Variants in SHROOM4 observed in about 807,000 individuals in gnomAD.
SHROOM4 encodes the protein protein Shroom4.
A neutral mutation model predicts 80.3 loss-of-function variants in SHROOM4; 17 were observed. That is an observed-to-expected ratio of 0.21 (90% CI 0.14 to 0.32). The LOEUF is 0.32. Ranked by LOEUF, SHROOM4 falls within the 10% of genes least tolerant of loss-of-function variation. The pLI, the probability that SHROOM4 is intolerant of heterozygous loss-of-function variation, is 1.00. For synonymous variants in SHROOM4, 400 were observed against 437.5 expected (o/e 0.91, Z 1.07); for missense variants, 993 against 1,140.3 (o/e 0.87, Z 1.86).
chrX:50,651,484 C>T (rs1417368656), intron 2 of SHROOM4, among the ~76,000 whole-genome samples: 1 of 111,781 alleles, frequency 8.9e-6, no homozygotes, highest in Admixed American at 9.5e-5. Context: ...TATAGACCAG[C>T]ATCAGCATCA....
chrX:50,595,981 A>G lies in SHROOM4; in HGVS notation c.*714T>C, dbSNP rs1476080358. On this transcript the variant is annotated 3_prime_UTR_variant, in exon 9 of 9. Coordinates refer to ENST00000376020, the MANE Select transcript of SHROOM4 (RefSeq NM_020717.5). ...CGGTAACCCCCAGCAATGTAAAGGA[A>G]AGATGAAACAAGAGGTGGTAGGACC... is the stretch of plus-strand genomic sequence containing the variant. 2.1e-5 allele frequency: 7 copies of G among 327,299 alleles called. No homozygotes were observed. Among genetic ancestry groups the G allele is most frequent in the Non-Finnish European group, 4.1e-5 (7 of 169,625 alleles). The allele number at this position is 327,299 out of a possible 1,213,427, so 27.0% of individuals were successfully genotyped here.
At chrX:50,613,552 C>T (rs1557250261) in intron 5 of SHROOM4, among the ~76,000 whole-genome samples, 1 of 112,012 alleles carries the variant, frequency 8.9e-6, no homozygotes, top group African/African-American at 3.2e-5. Context: ...GGAAAGATCA[C>T]ATTTACTGCA....
At position 50,606,065 on chromosome X, in the gene SHROOM4, C is replaced by A. The variant is rs12015006; in HGVS notation, c.3761+1316G>T. On this transcript the variant is annotated intron_variant, in intron 6 of 8. Transcript: ENST00000376020. ...AGCTTGAGAAGCAGCCACATGGGAT[C>A]TAATGAAGGATTCTTTTTTTTTTTT... Among the ~76,000 whole-genome samples, 889 of 95,088 alleles carry A rather than the reference C, an allele frequency of 9.3e-3. 8 individuals are homozygous for A. The highest frequency in any genetic ancestry group is 0.026 in the African/African-American group (708 of 26,946). The allele number at this position is 95,088 out of a possible 115,157, so 82.6% of individuals were successfully genotyped here. A position where few individuals can be genotyped will look rare whatever the true frequency, so the allele number is the denominator to read the frequency against.
chrX:50,708,706 T>C (rs782353927), intron 1 of SHROOM4, among the ~76,000 whole-genome samples: 16 of 112,020 alleles, frequency 1.4e-4, no homozygotes, highest in South Asian at 1.1e-3. Context: ...TGCTTTCCTA[T>C]GGCAAAATGA....
At position 50,590,199 on chromosome X, in the gene SHROOM4, G is replaced by A. The variant is rs928835973; in HGVS notation, c.*6496C>T. Among the ~76,000 whole-genome samples the A allele has an allele frequency of 1.8e-5, 2 of 111,346 alleles. No individual in the cohort carries two copies. The highest frequency in any genetic ancestry group is 7.7e-4 in the South Asian group (2 of 2,604). ...GGTTTAGATGAAGTCACAAGAGTAG[G>A]CATTCATAATGAAATTATAATGCCC... On this transcript the variant is annotated 3_prime_UTR_variant, in exon 9 of 9. Transcript: ENST00000376020.
intron 5 of SHROOM4, among the ~76,000 whole-genome samples, chrX:50,623,829 A>ATAT (rs1247561531): frequency 1.2e-4 from 13 of 112,553 alleles, no homozygotes; most frequent in Non-Finnish European, 2.1e-4. Flanking sequence ...ATACAATGGA[A>ATAT]TATTATTTGG....
intron 2 of SHROOM4, among the ~76,000 whole-genome samples, chrX:50,692,499 CTTAT>C (rs782745679): frequency 4.5e-5 from 5 of 111,531 alleles, no homozygotes; most frequent in Non-Finnish European, 9.4e-5. Flanking sequence ...CATAAATTAT[CTTAT>C]TTAATCATCA....
At chrX:50,710,286 C>T in intron 1 of SHROOM4, among the ~76,000 whole-genome samples, 1 of 111,517 alleles carries the variant, frequency 9.0e-6, no homozygotes, top group Non-Finnish European at 1.9e-5. Flanking sequence ...AGTGGTGGGT[C>T]AGATAAAGAA....
At chrX:50,738,331 C>G (rs1486369039) in intron 1 of SHROOM4, among the ~76,000 whole-genome samples, 1 of 110,736 alleles carries the variant, frequency 9.0e-6, no homozygotes, top group African/African-American at 3.3e-5. Context: ...CTGGCCCGGG[C>G]AATCACGCAG....
intron 5 of SHROOM4, among the ~76,000 whole-genome samples, chrX:50,624,245 A>G (rs1274251735): frequency 8.9e-6 from 1 of 111,957 alleles, no homozygotes; most frequent in Non-Finnish European, 1.9e-5. Context: ...CCACCATGCC[A>G]TCTATTTTCT....
downstream of SHROOM4, among the ~76,000 whole-genome samples, chrX:50,584,388 C>T (rs781902139): frequency 8.9e-6 from 1 of 111,838 alleles, no homozygotes; most frequent in East Asian, 2.8e-4. Context: ...GATGTTGGTA[C>T]ATCATTAGGC....
intron 2 of SHROOM4, among the ~76,000 whole-genome samples, chrX:50,663,877 G>C (rs1932600334): frequency 9.0e-6 from 1 of 111,278 alleles, no homozygotes; most frequent in African/African-American, 3.3e-5. Flanking sequence ...TAGAGTACAG[G>C]GCTAGAGCAT....
intron 2 of SHROOM4, among the ~76,000 whole-genome samples, chrX:50,659,299 AAC>A (rs782776801): frequency 8.9e-6 from 1 of 111,805 alleles, no homozygotes; most frequent in Admixed American, 9.5e-5. Flanking sequence ...AGAGGAAATG[AAC>A]ACTATAGTCC....
In SHROOM4 at chrX:50,634,349, C is replaced by G; in HGVS notation, c.1724G>C (p.Arg575Pro). ...RMGGRRSGGT[R>P]GRSIQNRRKS... ...CCGCCGGTTTTGGATCGAGCGGCCCCGGGTCCCTCCACTTCGCCTACCACC... is the reference window on the plus strand; with the variant it reads ...CCGCCGGTTTTGGATCGAGCGGCCCGGGGTCCCTCCACTTCGCCTACCACC... The change falls in exon 4 of 9, where the codon CGG becomes CCG. Residue 575 changes from arginine to proline, a missense_variant. Coordinates refer to ENST00000376020, the MANE Select transcript of SHROOM4 (RefSeq NM_020717.5). 8.3e-7 allele frequency: 1 copy of G among 1,211,091 alleles called. No individual in the cohort carries two copies. The highest frequency in any genetic ancestry group is 1.1e-6 in the Non-Finnish European group (1 of 895,338).
intron 1 of SHROOM4, among the ~76,000 whole-genome samples, chrX:50,778,190 T>C (rs1557270312): frequency 8.9e-6 from 1 of 112,452 alleles, no homozygotes; most frequent in Non-Finnish European, 1.9e-5. Flanking sequence ...CTGCAGACTC[T>C]TGAGTACCCT....
rs1196459671 is a variant in SHROOM4 at position 50,596,029 on chromosome X, G to A, written c.*666C>T. ...ACCAAAGTCTTAGGACAGGAAGAGG[G>A]TCACACTAGCCAGGGCTAAGAGTAG... is the stretch of plus-strand genomic sequence containing the variant. On this transcript the variant is annotated 3_prime_UTR_variant, in exon 9 of 9. Transcript: ENST00000376020. The A allele has an allele frequency of 2.1e-5, 7 of 328,067 alleles. No individual in the cohort carries two copies. The highest frequency in any genetic ancestry group is 1.9e-4 in the African/African-American group (7 of 37,721). 27.0% of individuals were successfully genotyped at this position (328,067 alleles called of 1,213,427 possible). A position where few individuals can be genotyped will look rare whatever the true frequency, so the allele number is the denominator to read the frequency against.
At chrX:50,658,047 A>AT (rs782535875) in intron 2 of SHROOM4, among the ~76,000 whole-genome samples, 2 of 111,461 alleles carry the variant, frequency 1.8e-5, no homozygotes, top group African/African-American at 6.5e-5. Context: ...AGGACACAGC[A>AT]TTTTTCCCCT....
At chrX:50,618,378 T>C (rs1197865338) in intron 5 of SHROOM4, among the ~76,000 whole-genome samples, 2 of 53,430 alleles carry the variant, frequency 3.7e-5, no homozygotes, top group Non-Finnish European at 6.6e-5. Flanking sequence ...CTTCCTTCCT[T>C]CCTTCCTTCC....
intron 1 of SHROOM4, among the ~76,000 whole-genome samples, chrX:50,746,309 T>A (rs1569548443): frequency 8.9e-6 from 1 of 111,785 alleles, no homozygotes; most frequent in East Asian, 2.8e-4. Flanking sequence ...TTTTTGCACC[T>A]GTTTTTAATT....
Sources: gnomAD v4.1 joint callset for allele counts (sites outside exome capture counted in the v4.1 genomes callset) on GRCh38, gnomAD v4.1.1 for gene constraint, MANE v1.5 for transcripts, NCBI Gene and HGNC (gene_info 2026-07-23, HGNC 2026-07-21) for gene names.